The following C12orf56 variants were observed in gnomAD, a reference collection of about 807,000 sequenced individuals.
C12orf56 encodes the protein uncharacterized protein C12orf56.
In C12orf56, 71 loss-of-function variants were observed where a neutral mutation model predicts 69.9. The ratio of observed to expected loss-of-function variants is 1.02; its 90% CI spans 0.84 to 1.24. The LOEUF (loss-of-function observed/expected upper bound fraction) is 1.24, where lower values mean the gene tolerates loss of function less well. Among genes scored for constraint, C12orf56 ranks in the 50% most tolerant of loss-of-function variants. The probability of loss-of-function intolerance (pLI) is 0.00; values close to 1 mark genes in which losing one functional copy is unlikely to be tolerated. For missense variants in C12orf56, 732 were observed against 738.5 expected, an observed-to-expected ratio of 0.99 and a Z score of 0.10; for synonymous variants, 276 against 274.1, an observed-to-expected ratio of 1.01 and a Z score of -0.07.
rs193253449 is a variant in C12orf56, at chr12:64,274,878, C to T, written c.1584+23G>A. The T allele has an allele frequency of 8.3e-5, 129 of 1,558,744 alleles. 1 individual carries two copies. The African/African-American group carries it at 1.4e-3, about 17-fold the overall frequency. ...GTTTAATTAGGCTTGGGGGTGATTT[C>T]GTTTTGACTTCTAGATACTTACGAT... is the stretch of plus-strand genomic sequence containing the variant. On this transcript the variant is annotated intron_variant, in intron 11 of 12. Transcript: ENST00000543942.
intron 6 of C12orf56, 50 bp downstream of exon 6, chr12:64,303,585 T>G: frequency 7.3e-7 from 1 of 1,377,588 alleles, no homozygotes; most frequent in Non-Finnish European, 9.8e-7. Context: ...TTGTATTTGG[T>G]AAACAGGAAA....
At chr12:64,322,422 T>G (rs940261516) in intron 3 of C12orf56, among the ~76,000 whole-genome samples, 1 of 131,598 alleles carries the variant, frequency 7.6e-6, no homozygotes, top group Non-Finnish European at 1.6e-5. Flanking sequence ...ATTTGGTCCC[T>G]TTTTTATGTC....
At chr12:64,325,532 G>A (rs2038828138) in intron 3 of C12orf56, among the ~76,000 whole-genome samples, 1 of 152,200 alleles carries the variant, frequency 6.6e-6, no homozygotes, top group African/African-American at 2.4e-5. Context: ...CTAAAAGTGT[G>A]TGGTTTTATC....
At position 64,288,781 on chromosome 12, in the gene C12orf56, T is replaced by C. The variant is rs1445165233; in HGVS notation, c.1114-2721A>G. ...TGTAGTATAGTTTGAAGTCAGGTAG[T>C]GTGATGCCTCCAGCTTTGTTCTTTT... On this transcript the variant is annotated intron_variant, in intron 6 of 12. Coordinates refer to ENST00000543942, the MANE Select transcript of C12orf56 (RefSeq NM_001170633.2). Among the ~76,000 whole-genome samples, 1,382 of 149,764 alleles carry C rather than the reference T, an allele frequency of 9.2e-3. 11 individuals are homozygous for C. The highest frequency in any genetic ancestry group is 0.017 in the Admixed American group (253 of 14,856).
intron 1 of C12orf56, among the ~76,000 whole-genome samples, chr12:64,375,051 T>C (rs2039622915): frequency 6.6e-6 from 1 of 151,922 alleles, no homozygotes; most frequent in Admixed American, 6.6e-5. Flanking sequence ...TTGCTGTTTA[T>C]TTTATATTTA....
At chr12:64,388,941 A>C (rs1015771651) in intron 1 of C12orf56, 36 of 152,248 alleles carry the variant, frequency 2.4e-4, no homozygotes, top group African/African-American at 8.4e-4. Context: ...TCAACAAAGA[A>C]AATAAATTGG....
chr12:64,271,228 G>A (rs538727488), intron 11 of C12orf56, among the ~76,000 whole-genome samples: 127 of 152,180 alleles, frequency 8.3e-4, no homozygotes, highest in African/African-American at 3.0e-3. Context: ...CACTTTGGGA[G>A]GCTGAGGCGG....
intron 5 of C12orf56, among the ~76,000 whole-genome samples, chr12:64,308,933 A>AAAG (rs1555188222): frequency 0.15 from 6,183 of 41,870 alleles, 197 homozygotes; most frequent in Non-Finnish European, 0.2. Flanking sequence ...AGAAAGAAAG[A>AAAG]AAGAAAGAAG....
chr12:64,363,711 C>T (rs930646833), intron 1 of C12orf56, among the ~76,000 whole-genome samples: 7 of 152,090 alleles, frequency 4.6e-5, no homozygotes, highest in Non-Finnish European at 7.3e-5. Flanking sequence ...CCTAAATGTT[C>T]GAGTTTAGCA....
intron 1 of C12orf56, among the ~76,000 whole-genome samples, chr12:64,380,973 G>T (rs2039712789): frequency 6.6e-6 from 1 of 152,186 alleles, no homozygotes; most frequent in Non-Finnish European, 1.5e-5. Flanking sequence ...GGTTCATGTT[G>T]CCTGCTGCCT....
At chr12:64,277,284 T>C (rs1486498542) in intron 9 of C12orf56, among the ~76,000 whole-genome samples, 6 of 152,022 alleles carry the variant, frequency 3.9e-5, no homozygotes, top group Admixed American at 2.6e-4. Flanking sequence ...GTATAAGAGT[T>C]AACCCTAAAA....
chr12:64,346,313 T>C (rs1029859485), intron 2 of C12orf56, among the ~76,000 whole-genome samples: 6 of 152,140 alleles, frequency 3.9e-5, no homozygotes, highest in Non-Finnish European at 7.3e-5. Context: ...GGCGAGTCTC[T>C]CTTTTCACAT....
chr12:64,271,980 A>G (rs1432255524), intron 11 of C12orf56, among the ~76,000 whole-genome samples: 1 of 152,132 alleles, frequency 6.6e-6, no homozygotes, highest in Non-Finnish European at 1.5e-5. Context: ...CCAACCCTTC[A>G]TCCTTACATG....
At chr12:64,325,507 A>T (rs2038827996) in intron 3 of C12orf56, among the ~76,000 whole-genome samples, 1 of 152,230 alleles carries the variant, frequency 6.6e-6, no homozygotes, top group South Asian at 2.1e-4. Context: ...GAGATCTCAT[A>T]TTCAATTGAC....
In C12orf56 at chr12:64,267,009, A is replaced by G; in HGVS notation, c.*174T>C. 2 of 528,164 alleles carry G rather than the reference A, an allele frequency of 3.8e-6. No individual in the cohort carries two copies. Among genetic ancestry groups the G allele is most frequent in the Non-Finnish European group, 6.5e-6 (2 of 309,806 alleles). The allele number at this position is 528,164 out of a possible 1,614,324, so 32.7% of individuals were successfully genotyped here. ...TATAATAAATCAAATTTATTTTTTA[A>G]AATTTTAAACTTCTCATAGAGAGGT... On this transcript the variant is annotated 3_prime_UTR_variant, in exon 13 of 13. Coordinates refer to ENST00000543942, the MANE Select transcript of C12orf56 (RefSeq NM_001170633.2).
chr12:64,308,953 AAG>A (rs1364290218), intron 5 of C12orf56, among the ~76,000 whole-genome samples: 1 of 116,808 alleles, frequency 8.6e-6, no homozygotes, highest in Non-Finnish European at 1.8e-5. Context: ...GAAAGAAAGA[AAG>A]AAAGAAAGAA....
chr12:64,327,492 A>C (rs2038859923), intron 3 of C12orf56, among the ~76,000 whole-genome samples: 1 of 152,184 alleles, frequency 6.6e-6, no homozygotes, highest in African/African-American at 2.4e-5. Context: ...AAAAAAGAAA[A>C]TGTGTAGTGG....
chr12:64,387,616 A>C (rs2039812047), intron 1 of C12orf56, among the ~76,000 whole-genome samples: 1 of 152,150 alleles, frequency 6.6e-6, no homozygotes, highest in Non-Finnish European at 1.5e-5. Context: ...TAAGCCCAGC[A>C]GCCTGGGCAA....
At chr12:64,316,012 A>C (rs1247131711) in intron 4 of C12orf56, among the ~76,000 whole-genome samples, 2 of 151,992 alleles carry the variant, frequency 1.3e-5, no homozygotes, top group East Asian at 3.9e-4. Context: ...TTTCTCACTT[A>C]CGTGTGAAAT....
Sources: allele counts gnomAD v4.1 joint callset (sites outside exome capture counted in the v4.1 genomes callset), GRCh38; gene constraint gnomAD v4.1.1; transcripts MANE v1.5; gene names NCBI Gene and HGNC (gene_info 2026-07-23, HGNC 2026-07-21).